The following FBXO21 variants were observed in gnomAD, a reference collection of about 807,000 sequenced individuals.
FBXO21 encodes the protein F-box protein 21, also known as F-box only protein 21.
Under a neutral mutation model 76.6 loss-of-function variants are expected in FBXO21, and 32 were observed. The observed-to-expected ratio is 0.42, with a 90% CI of 0.32 to 0.56. The LOEUF is 0.56. Among genes scored for constraint, FBXO21 ranks in the 20% least tolerant of loss-of-function variants. The pLI is 0.16. For synonymous variants in FBXO21, 328 were observed against 311.5 expected, an observed-to-expected ratio of 1.05 and a Z score of -0.56; for missense variants, 586 against 797.3, an observed-to-expected ratio of 0.73 and a Z score of 3.19.
At chr12:117,171,096 G>A (rs1204492100) in intron 7 of FBXO21, among the ~76,000 whole-genome samples, 1 of 152,038 alleles carries the variant, frequency 6.6e-6, no homozygotes, top group Non-Finnish European at 1.5e-5. Flanking sequence ...AGGCGCGGTG[G>A]CTCACGCCTG....
intron 9 of FBXO21, among the ~76,000 whole-genome samples, chr12:117,158,954 T>C (rs1423860351): frequency 6.6e-6 from 1 of 152,250 alleles, no homozygotes; most frequent in Admixed American, 6.5e-5. Flanking sequence ...TCCAATTTAC[T>C]GAGTCCTGGA....
intron 2 of FBXO21, chr12:117,188,628 CCCA>C (rs1956311574): frequency 6.7e-6 from 1 of 149,708 alleles, no homozygotes; most frequent in Admixed American, 6.8e-5. Flanking sequence ...ACAAAAAAAA[CCCA>C]CCATGTATTT....
chr12:117,157,755 G>A, intron 10 of FBXO21, 118 bp downstream of exon 10: 1 of 834,246 alleles, frequency 1.2e-6, no homozygotes, highest in Admixed American at 2.9e-5. Context: ...CGCACTCGGG[G>A]GATAAGTGAT....
At chr12:117,147,597 CAAAAAAA>C (rs57318190) in intron 11 of FBXO21, among the ~76,000 whole-genome samples, 1 of 87,404 alleles carries the variant, frequency 1.1e-5, no homozygotes, top group Admixed American at 1.2e-4. Context: ...GACTCCATCT[CAAAAAAA>C]AAAAAAAAAA....
intron 4 of FBXO21, among the ~76,000 whole-genome samples, chr12:117,176,929 T>G (rs534746596): frequency 6.6e-6 from 1 of 151,686 alleles, no homozygotes; most frequent in South Asian, 2.1e-4. Flanking sequence ...CCATAATTTA[T>G]GGGAATGTTT....
intron 11 of FBXO21, among the ~76,000 whole-genome samples, chr12:117,153,743 A>C (rs867584565): frequency 6.6e-6 from 1 of 152,276 alleles, no homozygotes; most frequent in South Asian, 2.1e-4. Context: ...GGGAACTCTC[A>C]TAGTGTAGGA....
In FBXO21 at chr12:117,189,292, GC is replaced by G; in HGVS notation, c.309del (p.Gln104LysfsTer5). ...TTCCGCGCTTCTAACCCAGCTTTTTGCCGAACTTTATACTCTTCCAACCAAT... is the reference window on the plus strand; with the variant it reads ...TTCCGCGCTTCTAACCCAGCTTTTTGCGAACTTTATACTCTTCCAACCAAT... ...YVNWLEEYKVRQKAGLEARKI... is the reference protein window; with the variant it reads ...YVNWLEEYKVXQKAGLEARKI... On this transcript the variant is annotated frameshift_variant, in exon 2 of 12. Transcript: ENST00000622495. LOFTEE classifies it high-confidence loss of function. 6.2e-7 allele frequency: 1 copy of G among 1,614,126 alleles called. No homozygotes were observed. The highest frequency in any genetic ancestry group is 1.3e-5 in the African/African-American group (1 of 75,026).
chr12:117,162,763 T>C lies in FBXO21; in HGVS notation c.1326+2722A>G, dbSNP rs1160935784. ...ACTCCGTAACAATTTTATACACACA[T>C]ATGTAAAAATACACCTCAAACTGCA... On this transcript the variant is annotated intron_variant, in intron 9 of 11. Coordinates refer to ENST00000622495, the MANE Select transcript of FBXO21 (RefSeq NM_015002.3). Among the ~76,000 whole-genome samples the C allele has an allele frequency of 2.0e-5, 3 of 152,118 alleles. No individual in the cohort carries two copies. In the East Asian group the frequency reaches 5.8e-4, roughly 29 times the overall value.
At chr12:117,151,063 A>T (rs1955837102) in intron 11 of FBXO21, among the ~76,000 whole-genome samples, 1 of 151,648 alleles carries the variant, frequency 6.6e-6, no homozygotes. Flanking sequence ...TAAGTTATGG[A>T]AAAGGGAACC....
intron 3 of FBXO21, among the ~76,000 whole-genome samples, chr12:117,178,156 CCA>C (rs1363353885): frequency 6.6e-6 from 1 of 152,114 alleles, no homozygotes; most frequent in African/African-American, 2.4e-5. Context: ...TCTTCCCCTC[CCA>C]GAGTCACCCT....
intron 7 of FBXO21, 141 bp downstream of exon 7, chr12:117,172,330 A>T: frequency 1.2e-6 from 1 of 845,804 alleles, no homozygotes; most frequent in South Asian, 1.9e-5. Flanking sequence ...TACAGCCAGG[A>T]AACAAAACAG....
At chr12:117,147,206 C>T (rs1217743807) in intron 11 of FBXO21, among the ~76,000 whole-genome samples, 1 of 147,898 alleles carries the variant, frequency 6.8e-6, no homozygotes, top group Non-Finnish European at 1.5e-5. Flanking sequence ...TATGCCATTG[C>T]ACTCCAGCCT....
At chr12:117,167,468 C>T (rs901395246) in intron 7 of FBXO21, among the ~76,000 whole-genome samples, 5 of 152,122 alleles carry the variant, frequency 3.3e-5, no homozygotes, top group East Asian at 1.9e-4. Flanking sequence ...GAACCTCAGC[C>T]GGGCGTGGTG....
chr12:117,173,079 G>A (rs1956134083), intron 6 of FBXO21, among the ~76,000 whole-genome samples: 1 of 150,344 alleles, frequency 6.7e-6, no homozygotes, highest in Non-Finnish European at 1.5e-5. Flanking sequence ...CTGTTGCCCA[G>A]ACTGGAGTGC....
chr12:117,190,244 C>T lies in FBXO21; in HGVS notation c.213G>A (p.Lys71=). The T allele has an allele frequency of 6.5e-7, 1 of 1,541,154 alleles. No homozygotes were observed. Among genetic ancestry groups the T allele is most frequent in the Non-Finnish European group, 8.7e-7 (1 of 1,154,118 alleles). The change falls in exon 1 of 12, where the codon AAG becomes AAA. Residue 71 remains lysine (K), a synonymous_variant. Transcript: ENST00000622495. ...TCACCCGGAACTGCTCCTTCCACAC[C>T]TTCCCGCTGCTCTGGCACAGCTCGC... ...RLRELCQSSG[K]VWKEQFRVRW...
intron 11 of FBXO21, among the ~76,000 whole-genome samples, chr12:117,149,762 G>A (rs978107221): frequency 1.3e-5 from 2 of 152,144 alleles, no homozygotes; most frequent in African/African-American, 4.8e-5. Flanking sequence ...TCCTTTCTAT[G>A]TATTATCGAG....
intron 11 of FBXO21, among the ~76,000 whole-genome samples, chr12:117,148,586 C>T (rs1018441882): frequency 5.3e-5 from 8 of 152,248 alleles, no homozygotes; most frequent in African/African-American, 1.2e-4. Flanking sequence ...GCACTTACAA[C>T]GTGCCAGACC....
At chr12:117,188,898 G>GAGGGGTTGCAAAAA (rs1203142669) in intron 2 of FBXO21, 2 of 250,388 alleles carry the variant, frequency 8.0e-6, no homozygotes, top group Non-Finnish European at 1.6e-5. Context: ...CCAAATAACG[G>GAGGGGTTGCAAAAA]AGGGGTTGCA....
At chr12:117,166,809 C>G (rs988484478) in intron 8 of FBXO21, 89 bp downstream of exon 8, 1 of 1,157,802 alleles carries the variant, frequency 8.6e-7, no homozygotes, top group Non-Finnish European at 1.3e-6. Context: ...AAGATCTCAA[C>G]GAAAAGTCAC....
Sources: allele counts gnomAD v4.1 joint callset (sites outside exome capture counted in the v4.1 genomes callset), GRCh38; gene constraint gnomAD v4.1.1; transcripts MANE v1.5; gene names NCBI Gene and HGNC (gene_info 2026-07-23, HGNC 2026-07-21).